CAMTA1: variants seen among roughly 807,000 people sequenced by gnomAD.
CAMTA1 encodes calmodulin-binding transcription activator 1.
CAMTA1 carries 27 observed loss-of-function variants against 170.9 expected under a neutral mutation model. The ratio of observed to expected loss-of-function variants is 0.16; its 90% CI spans 0.12 to 0.22. The LOEUF is 0.22. CAMTA1 is among the 10% of genes least tolerant of loss of function. The pLI, the probability that CAMTA1 is intolerant of heterozygous loss-of-function variation, is 1.00. For synonymous variants in CAMTA1, 833 were observed against 891.5 expected, an observed-to-expected ratio of 0.93 and a Z score of 1.17; for missense variants, 1,619 against 2,217.2, an observed-to-expected ratio of 0.73 and a Z score of 5.42.
intron 5 of CAMTA1, among the ~76,000 whole-genome samples, chr1:7,430,468 C>T (rs1158162426): frequency 6.6e-6 from 1 of 151,432 alleles, no homozygotes; most frequent in African/African-American, 2.4e-5. Flanking sequence ...ATGGTGATGA[C>T]AGCGATAACA....
In CAMTA1 at chr1:7,435,875, A is replaced by G. The variant is rs532007479; in HGVS notation, c.439-31955A>G. ...GCTTGCATGCCTCCGAGCTCACAGC[A>G]TGACCCAGGGGCCTGGCTGTGCTGC... On this transcript the variant is annotated intron_variant, in intron 5 of 22. Coordinates refer to ENST00000303635, the MANE Select transcript of CAMTA1 (RefSeq NM_015215.4). This position sits in a 1 kb window ranked among gnomAD's most constrained non-coding sequence, Gnocchi z 4.4. 6.6e-6 allele frequency among the ~76,000 whole-genome samples: 1 copy of G among 152,240 alleles called. No individual in the cohort carries two copies. The highest frequency in any genetic ancestry group is 2.4e-5 in the African/African-American group (1 of 41,550).
intron 6 of CAMTA1, among the ~76,000 whole-genome samples, chr1:7,472,748 G>A (rs2093354851): frequency 1.3e-5 from 2 of 152,152 alleles, no homozygotes; most frequent in African/African-American, 4.8e-5. Context: ...GCACAGGGGT[G>A]CCATCACCCC....
intron 3 of CAMTA1, among the ~76,000 whole-genome samples, chr1:6,842,612 C>T (rs1656294192): frequency 6.6e-6 from 1 of 152,182 alleles, no homozygotes; most frequent in Non-Finnish European, 1.5e-5. Flanking sequence ...TGTGCTTAAA[C>T]AAATTGTGGT....
At chr1:7,257,565 T>C (rs1259071806) in intron 5 of CAMTA1, among the ~76,000 whole-genome samples, 1 of 87,420 alleles carries the variant, frequency 1.1e-5, no homozygotes, top group Non-Finnish European at 2.2e-5. Flanking sequence ...GCACACCCAC[T>C]CTGGCAGCGA....
rs562705099 is a variant in CAMTA1 at position 7,563,103 on chromosome 1, A to G, written c.511-77297A>G. Reference sequence around the variant, plus strand: ...ACCAGCCCCTCCCCAGCCCCAAGCTATTGTGTCCAGTGTCCAGGGTCCCTG... The same window carrying G: ...ACCAGCCCCTCCCCAGCCCCAAGCTGTTGTGTCCAGTGTCCAGGGTCCCTG... On this transcript the variant is annotated intron_variant, in intron 6 of 22. Transcript: ENST00000303635. Among the ~76,000 whole-genome samples, 586 of 152,238 alleles carry G rather than the reference A, an allele frequency of 3.8e-3. 1 individual carries two copies. The highest frequency in any genetic ancestry group is 6.2e-3 in the Non-Finnish European group (419 of 67,984).
At chr1:7,088,054 C>T (rs938823210) in intron 3 of CAMTA1, among the ~76,000 whole-genome samples, 1 of 152,184 alleles carries the variant, frequency 6.6e-6, no homozygotes, top group African/African-American at 2.4e-5. Flanking sequence ...TGGCATTATA[C>T]GGGTAACTCA....
rs545383183 is a variant in CAMTA1 at position 7,204,705 on chromosome 1, C to T, written c.303-44786C>T. On this transcript the variant is annotated intron_variant, in intron 4 of 22. Transcript: ENST00000303635. ...GTAGTTCAGATCTTCTGCCTTCTTG[C>T]CAATATTCTATCTAGTTGTTCTATC... 1.5e-4 allele frequency among the ~76,000 whole-genome samples: 23 copies of T among 151,308 alleles called. No homozygotes were observed. In the East Asian group the frequency reaches 4.5e-3, roughly 29 times the overall value.
At chr1:7,185,952 A>G (rs1653168073) in intron 4 of CAMTA1, among the ~76,000 whole-genome samples, 1 of 152,242 alleles carries the variant, frequency 6.6e-6, no homozygotes, top group Non-Finnish European at 1.5e-5. Flanking sequence ...TCTTTTCTTT[A>G]GCTCTCAAGG....
At chr1:7,697,711 A>G (rs1042962475) in intron 11 of CAMTA1, among the ~76,000 whole-genome samples, 7 of 152,146 alleles carry the variant, frequency 4.6e-5, no homozygotes, top group African/African-American at 1.7e-4. Context: ...TTTCTGCATT[A>G]TGTCCATTAG....
intron 6 of CAMTA1, among the ~76,000 whole-genome samples, chr1:7,601,785 A>T (rs930503457): frequency 1.2e-3 from 184 of 152,322 alleles, no homozygotes; most frequent in Non-Finnish European, 2.3e-3. Flanking sequence ...CCAAAAAAAT[A>T]CGAAAACCAG....
intron 4 of CAMTA1, among the ~76,000 whole-genome samples, chr1:7,137,341 T>C (rs1190236061): frequency 1.3e-5 from 2 of 152,206 alleles, no homozygotes; most frequent in Non-Finnish European, 2.9e-5. Flanking sequence ...ACCGAATCGC[T>C]GAAAGACCCC....
chr1:7,398,185 CTCTCTCTCTATATATATATATATATA>C (rs1417283201), intron 5 of CAMTA1, among the ~76,000 whole-genome samples: 46 of 46,540 alleles, frequency 9.9e-4, no homozygotes, highest in African/African-American at 3.4e-3. Flanking sequence ...CTCTCTCTCT[CTCTCTCTCTATATATATATATATATA>C]TATATATATA....
chr1:7,333,651 G>A lies in CAMTA1; in HGVS notation c.438+84025G>A, dbSNP rs981088985. On this transcript the variant is annotated intron_variant, in intron 5 of 22. Coordinates refer to ENST00000303635, the MANE Select transcript of CAMTA1 (RefSeq NM_015215.4). The surrounding 1 kb of genome is among the most constrained non-coding windows in gnomAD (Gnocchi z 4.4). ...CGTCCCAGCTTCTAGGGAGGCTGGG[G>A]TTACAGCCTCCGCCATGTTGCAGAT... 6.6e-6 allele frequency among the ~76,000 whole-genome samples: 1 copy of A among 152,212 alleles called. No individual in the cohort carries two copies. Among genetic ancestry groups the A allele is most frequent in the African/African-American group, 2.4e-5 (1 of 41,454 alleles).
chr1:6,859,625 A>G (rs1433704841), intron 3 of CAMTA1, among the ~76,000 whole-genome samples: 1 of 151,984 alleles, frequency 6.6e-6, no homozygotes, highest in Non-Finnish European at 1.5e-5. Context: ...CTGGCTTTAC[A>G]CAAAATAAAC....
chr1:7,200,167 G>A lies in CAMTA1; in HGVS notation c.303-49324G>A, dbSNP rs185192821. ...ATACTTAATTATTCTCTGTGTATGT[G>A]GGTGTGTGTATATATATGAAGTGGT... On this transcript the variant is annotated intron_variant, in intron 4 of 22. Coordinates refer to ENST00000303635, the MANE Select transcript of CAMTA1 (RefSeq NM_015215.4). Among the ~76,000 whole-genome samples the A allele has an allele frequency of 1.9e-4, 29 of 152,226 alleles. 1 individual carries two copies. In the East Asian group the frequency reaches 5.6e-3, roughly 29 times the overall value.
chr1:7,006,711 C>G (rs1699049065), intron 3 of CAMTA1, among the ~76,000 whole-genome samples: 1 of 152,184 alleles, frequency 6.6e-6, no homozygotes, highest in African/African-American at 2.4e-5. Context: ...AGGACTGTCC[C>G]CACCTGACCG....
chr1:6,964,200 C>T (rs1278158371), intron 3 of CAMTA1, among the ~76,000 whole-genome samples: 1 of 152,022 alleles, frequency 6.6e-6, no homozygotes, highest in Non-Finnish European at 1.5e-5. Context: ...GTGCAGGGGC[C>T]TGGGTGCCTG....
chr1:7,759,007 G>T (rs2096954929), intron 22 of CAMTA1, among the ~76,000 whole-genome samples: 3 of 151,604 alleles, frequency 2.0e-5, no homozygotes, highest in Admixed American at 1.3e-4. Flanking sequence ...TTAAAACATG[G>T]TTTATACATT....
At chr1:7,020,638 C>T (rs1020847556) in intron 3 of CAMTA1, among the ~76,000 whole-genome samples, 4 of 152,232 alleles carry the variant, frequency 2.6e-5, no homozygotes, top group South Asian at 4.1e-4. Context: ...CCTCTGAGGG[C>T]TCCTGTAGGA....
Sources: gnomAD v4.1 joint callset for allele counts (sites outside exome capture counted in the v4.1 genomes callset) on GRCh38, gnomAD v4.1.1 for gene constraint, Gnocchi (gnomAD v3.1) non-coding constraint, MANE v1.5 for transcripts, NCBI Gene and HGNC (gene_info 2026-07-23, HGNC 2026-07-21) for gene names.